GNG7: variants seen among roughly 807,000 people sequenced by gnomAD.
The protein encoded by GNG7 is G protein subunit gamma 7, also known as guanine nucleotide-binding protein G(I)/G(S)/G(O) subunit gamma-7.
A neutral mutation model predicts 4.0 loss-of-function variants in GNG7; 1 was observed. That is an observed-to-expected ratio of 0.25 (90% confidence interval 0.09 to 1.18). The LOEUF (loss-of-function observed/expected upper bound fraction) is 1.18. GNG7 is among the 50% of genes most tolerant of loss of function. GNG7 has a pLI of 0.50. For missense variants in GNG7, 86 were observed against 91.9 expected (o/e 0.94, Z 0.26); for synonymous variants, 34 against 36.9 (o/e 0.92, Z 0.29).
At chr19:2,556,139 G>C (rs946571128) in intron 2 of GNG7, among the ~76,000 whole-genome samples, 1 of 152,254 alleles carries the variant, frequency 6.6e-6, no homozygotes, top group Admixed American at 6.5e-5. Flanking sequence ...TCATGGGGCC[G>C]GGACTTGCGC....
At chr19:2,602,867 C>T (rs139062103) in intron 2 of GNG7, among the ~76,000 whole-genome samples, 1 of 151,698 alleles carries the variant, frequency 6.6e-6, no homozygotes, top group South Asian at 2.1e-4. Flanking sequence ...CGCTACCCAC[C>T]CTTTTCTCTC....
At chr19:2,553,628 CGTT>C (rs1469918253) in intron 3 of GNG7, among the ~76,000 whole-genome samples, 8,813 of 99,618 alleles carry the variant, frequency 0.088, 540 homozygotes, top group East Asian at 0.18. Flanking sequence ...TACATGCACA[CGTT>C]ACATGTAATA....
intron 2 of GNG7, among the ~76,000 whole-genome samples, chr19:2,635,706 C>T (rs1027898724): frequency 2.0e-5 from 3 of 151,970 alleles, no homozygotes; most frequent in African/African-American, 7.2e-5. Context: ...CCTCAGCCTA[C>T]GGAGTAGCTG....
chr19:2,521,111 C>T (rs1255383594), intron 3 of GNG7, among the ~76,000 whole-genome samples: 1 of 135,372 alleles, frequency 7.4e-6, no homozygotes, highest in African/African-American at 2.8e-5. Context: ...AAAAAAAATA[C>T]AAAAATTAGC....
At chr19:2,676,415 G>T (rs1302695202) in intron 1 of GNG7, among the ~76,000 whole-genome samples, 1 of 152,060 alleles carries the variant, frequency 6.6e-6, no homozygotes, top group African/African-American at 2.4e-5. Flanking sequence ...TTTCCATCTA[G>T]AAGTGTCCGT....
chr19:2,568,292 T>TAC (rs760407277), intron 2 of GNG7, among the ~76,000 whole-genome samples: 36 of 66,878 alleles, frequency 5.4e-4, no homozygotes, highest in East Asian at 1.1e-3. Context: ...TACACACATA[T>TAC]ACACACGCAC....
At chr19:2,544,553 G>T (rs529635430) in intron 3 of GNG7, among the ~76,000 whole-genome samples, 1 of 152,264 alleles carries the variant, frequency 6.6e-6, no homozygotes, top group East Asian at 1.9e-4. Context: ...ACCACGCCCA[G>T]CTAATTTTTG....
At chr19:2,591,147 A>C (rs1167437526) in intron 2 of GNG7, among the ~76,000 whole-genome samples, 1 of 152,226 alleles carries the variant, frequency 6.6e-6, no homozygotes, top group Non-Finnish European at 1.5e-5. Context: ...AGCACCTCAC[A>C]GAGAACAAGA....
chr19:2,551,618 T>C (rs1342720434), intron 3 of GNG7, among the ~76,000 whole-genome samples: 1 of 147,552 alleles, frequency 6.8e-6, no homozygotes, highest in Admixed American at 6.8e-5. Context: ...CAAATATATA[T>C]TTATAAATAT....
At chr19:2,683,848 C>T (rs1983804513) in intron 1 of GNG7, among the ~76,000 whole-genome samples, 1 of 152,156 alleles carries the variant, frequency 6.6e-6, no homozygotes, top group Admixed American at 6.6e-5. Flanking sequence ...CCGGGAGGTA[C>T]CCGTGCAGAA....
intron 3 of GNG7, among the ~76,000 whole-genome samples, chr19:2,537,698 G>C (rs531358793): frequency 6.6e-6 from 1 of 151,720 alleles, no homozygotes; most frequent in Non-Finnish European, 1.5e-5. Flanking sequence ...AGCTGGAGGC[G>C]GGAAACTGGC....
In GNG7 at chr19:2,553,752, T is replaced by C. The variant is rs144514650; in HGVS notation, c.-38+1397A>G. Among the ~76,000 whole-genome samples, 394 of 148,640 alleles carry C rather than the reference T, an allele frequency of 2.7e-3. 11 individuals are homozygous for C. The highest frequency in any genetic ancestry group is 9.1e-3 in the African/African-American group (370 of 40,664). ...TACATATTACATGCAATATATTACA[T>C]ATATGCACATATTGCATGTAATGTT... On this transcript the variant is annotated intron_variant, in intron 3 of 4. Coordinates refer to ENST00000382159, the MANE Select transcript of GNG7 (RefSeq NM_052847.3).
intron 3 of GNG7, among the ~76,000 whole-genome samples, chr19:2,523,835 A>G (rs1978323474): frequency 6.6e-6 from 1 of 152,148 alleles, no homozygotes; most frequent in Non-Finnish European, 1.5e-5. Flanking sequence ...GCAATTAAAC[A>G]AAAAATCCCT....
chr19:2,566,033 C>G (rs892339650), intron 2 of GNG7, among the ~76,000 whole-genome samples: 2 of 152,048 alleles, frequency 1.3e-5, no homozygotes, highest in African/African-American at 4.8e-5. Context: ...TGGTGGGCAC[C>G]TGTAATCCCA....
intron 2 of GNG7, among the ~76,000 whole-genome samples, chr19:2,588,992 G>A (rs1472602795): frequency 1.3e-5 from 2 of 152,018 alleles, no homozygotes; most frequent in Admixed American, 1.3e-4. Context: ...GTAATGGCGC[G>A]ATCTTGGCTC....
chr19:2,545,485 TA>T (rs1171670334), intron 3 of GNG7, among the ~76,000 whole-genome samples: 6 of 146,248 alleles, frequency 4.1e-5, no homozygotes, highest in South Asian at 2.2e-4. Flanking sequence ...CCATCTCTAC[TA>T]AAAAAAAAAT....
chr19:2,553,985 A>AAC (rs1979465384), intron 3 of GNG7, among the ~76,000 whole-genome samples: 1 of 52,800 alleles, frequency 1.9e-5, no homozygotes, highest in South Asian at 5.1e-4. Context: ...TATTATATGT[A>AAC]ATATATATTA....
chr19:2,536,780 C>G (rs764305174), intron 3 of GNG7, among the ~76,000 whole-genome samples: 2 of 151,994 alleles, frequency 1.3e-5, no homozygotes, highest in African/African-American at 2.4e-5. Context: ...CTGTGCTCCA[C>G]GACACCCTAG....
chr19:2,555,933 T>C (rs1309704164), intron 2 of GNG7, among the ~76,000 whole-genome samples: 4 of 151,762 alleles, frequency 2.6e-5, no homozygotes, highest in African/African-American at 7.3e-5. Context: ...CCGTCTCCAA[T>C]GCACAGTGCA....
Sources: gnomAD v4.1 joint callset for allele counts (sites outside exome capture counted in the v4.1 genomes callset) on GRCh38, gnomAD v4.1.1 for gene constraint, MANE v1.5 for transcripts, NCBI Gene and HGNC (gene_info 2026-07-23, HGNC 2026-07-21) for gene names.